Variants in FANCC observed in about 807,000 individuals in gnomAD.
The protein encoded by FANCC is Fanconi anemia group C protein.
Under a neutral mutation model 71.3 loss-of-function variants are expected in FANCC, and 55 were observed. The observed-to-expected ratio is 0.77, with a 90% CI of 0.62 to 0.97. FANCC has a LOEUF of 0.97. Ranked by LOEUF, FANCC falls within the 50% of genes least tolerant of loss-of-function variation. The pLI is 0.00. For synonymous variants in FANCC, 275 were observed against 244.9 expected, an observed-to-expected ratio of 1.12 and a Z score of -1.15; for missense variants, 678 against 670.9, an observed-to-expected ratio of 1.01 and a Z score of -0.12.
chr9:95,263,502 G>GTA (rs371617986), intron 1 of FANCC, among the ~76,000 whole-genome samples: 3,062 of 145,526 alleles, frequency 0.021, 34 homozygotes, highest in Non-Finnish European at 0.028. Flanking sequence ...GTATGTATGT[G>GTA]TATATATATA....
intron 6 of FANCC, among the ~76,000 whole-genome samples, chr9:95,165,129 CT>C (rs1830990135): frequency 1.3e-5 from 2 of 151,502 alleles, no homozygotes; most frequent in African/African-American, 4.8e-5. Context: ...AATTTCTATT[CT>C]TTATTCCTGA....
chr9:95,232,425 G>A (rs1360006063), intron 4 of FANCC, among the ~76,000 whole-genome samples: 1 of 152,184 alleles, frequency 6.6e-6, no homozygotes, highest in African/African-American at 2.4e-5. Flanking sequence ...GAAGAAGGAT[G>A]CCTTATTGAA....
At chr9:95,126,409 G>A in intron 9 of FANCC, 120 bp downstream of exon 9, 2 of 974,436 alleles carry the variant, frequency 2.1e-6, no homozygotes, top group Non-Finnish European at 3.2e-6. Context: ...GAACAGGAGG[G>A]AATCAGAAAC....
At chr9:95,114,372 C>A (rs755147924) in intron 12 of FANCC, 6 of 517,738 alleles carry the variant, frequency 1.2e-5, no homozygotes, top group Non-Finnish European at 2.1e-5. Flanking sequence ...AATCTAAAAC[C>A]AGACGTTAAT....
chr9:95,293,406 G>C (rs1834176348), intron 1 of FANCC: 3 of 1,577,986 alleles, frequency 1.9e-6, no homozygotes, highest in East Asian at 4.5e-5. Context: ...CCTCGGCCTA[G>C]ATTCAGAGGC....
In FANCC at chr9:95,099,754, C is replaced by T. The variant is rs555434011; in HGVS notation, c.*1953G>A. On this transcript the variant is annotated 3_prime_UTR_variant, in exon 15 of 15. Transcript: ENST00000289081. The stretch of plus-strand genomic sequence containing the variant: ...CCGGCAAGGCCGCCTCCACCGCACC[C>T]GTGAGAGGACTCGGCAGCTGTGAAG... The T allele has an allele frequency of 6.5e-5, 15 of 232,498 alleles. No individual in the cohort carries two copies. Among genetic ancestry groups the T allele is most frequent in the Admixed American group, 5.6e-4 (10 of 17,770 alleles). The allele number at this position is 232,498 out of a possible 1,614,324, so 14.4% of individuals were successfully genotyped here. A position where few individuals can be genotyped will look rare whatever the true frequency, so the allele number is the denominator to read the frequency against.
chr9:95,291,308 T>C (rs1431667589), intron 1 of FANCC, among the ~76,000 whole-genome samples: 1 of 152,032 alleles, frequency 6.6e-6, no homozygotes, highest in South Asian at 2.1e-4. Context: ...GATGACACAG[T>C]ACATAGAAAA....
intron 4 of FANCC, among the ~76,000 whole-genome samples, chr9:95,210,394 T>C (rs571764403): frequency 6.6e-6 from 1 of 151,922 alleles, no homozygotes; most frequent in Non-Finnish European, 1.5e-5. Flanking sequence ...TCAATTAAAA[T>C]GGTAAAAAAA....
At chr9:95,211,869 A>T (rs1421681013) in intron 4 of FANCC, among the ~76,000 whole-genome samples, 5 of 152,014 alleles carry the variant, frequency 3.3e-5, no homozygotes, top group Admixed American at 1.3e-4. Context: ...AAGAAAAAAA[A>T]AAAAAACCAG....
chr9:95,277,847 CT>C (rs1407689718), intron 1 of FANCC, among the ~76,000 whole-genome samples: 25 of 152,274 alleles, frequency 1.6e-4, no homozygotes, highest in African/African-American at 5.8e-4. Flanking sequence ...GAAATAAAGA[CT>C]TTCCCAGAAG....
chr9:95,221,130 G>A (rs1485409167), intron 4 of FANCC, among the ~76,000 whole-genome samples: 1 of 152,034 alleles, frequency 6.6e-6, no homozygotes, highest in African/African-American at 2.4e-5. Context: ...TACTCCGGAA[G>A]GCTGAGGCAG....
intron 1 of FANCC, among the ~76,000 whole-genome samples, chr9:95,306,089 T>C (rs1042582103): frequency 1.3e-5 from 2 of 152,222 alleles, no homozygotes; most frequent in Non-Finnish European, 2.9e-5. Context: ...AAAAATGAGT[T>C]TGGTATCTCT....
chr9:95,114,294 G>T (rs551780551), intron 12 of FANCC: 1 of 370,064 alleles, frequency 2.7e-6, no homozygotes, highest in Admixed American at 3.7e-5. Flanking sequence ...CCAGGGAGGG[G>T]TTCCCAGCAG....
chr9:95,293,472 G>A, intron 1 of FANCC: 1 of 1,570,790 alleles, frequency 6.4e-7, no homozygotes, highest in Non-Finnish European at 8.6e-7. Context: ...TGTTGCTGTT[G>A]AGCCAATAAG....
intron 4 of FANCC, among the ~76,000 whole-genome samples, chr9:95,175,299 A>AT (rs56834493): frequency 0.19 from 29,110 of 152,084 alleles, 2,927 homozygotes; most frequent in East Asian, 0.3. Flanking sequence ...TTCATGATTA[A>AT]TAAAAACAAC....
At chr9:95,192,864 G>T (rs996127885) in intron 4 of FANCC, among the ~76,000 whole-genome samples, 1 of 152,116 alleles carries the variant, frequency 6.6e-6, no homozygotes, top group East Asian at 1.9e-4. Flanking sequence ...GTAAGAATGG[G>T]AACAGGCAGA....
chr9:95,121,870 T>C (rs1461566440), intron 10 of FANCC, among the ~76,000 whole-genome samples: 4 of 151,780 alleles, frequency 2.6e-5, no homozygotes, highest in Non-Finnish European at 5.9e-5. Flanking sequence ...TTTTTTTTTT[T>C]TTTTTGAGAT....
intron 1 of FANCC, among the ~76,000 whole-genome samples, chr9:95,253,904 G>C (rs1457912624): frequency 6.6e-6 from 1 of 152,232 alleles, no homozygotes; most frequent in East Asian, 1.9e-4. Flanking sequence ...TCCCCTGCAT[G>C]TGCAGTTCAC....
chr9:95,163,799 A>T (rs1164773386), intron 6 of FANCC, among the ~76,000 whole-genome samples: 2 of 152,260 alleles, frequency 1.3e-5, no homozygotes, highest in Non-Finnish European at 2.9e-5. Context: ...AAGTGAGCCG[A>T]GATTGCGCCA....
Sources: allele counts gnomAD v4.1 joint callset (sites outside exome capture counted in the v4.1 genomes callset), GRCh38; gene constraint gnomAD v4.1.1; transcripts MANE v1.5; gene names NCBI Gene and HGNC (gene_info 2026-07-23, HGNC 2026-07-21).